MPPED2: variants seen among roughly 807,000 people sequenced by gnomAD.
The protein encoded by MPPED2 is metallophosphoesterase domain containing 2.
MPPED2 carries 5 observed loss-of-function variants against 33.0 expected under a neutral mutation model. The observed-to-expected ratio is 0.15, with a 90% confidence interval of 0.08 to 0.32. The LOEUF (loss-of-function observed/expected upper bound fraction) is 0.32, where lower values mean the gene tolerates loss of function less well. MPPED2 is among the 10% of genes least tolerant of loss of function. MPPED2 has a pLI of 1.00. For missense variants in MPPED2, 275 were observed against 372.1 expected (o/e 0.74, Z 2.15); for synonymous variants, 136 against 141.9 (o/e 0.96, Z 0.29).
At chr11:30,424,108 G>A (rs1948731143) in intron 4 of MPPED2, among the ~76,000 whole-genome samples, 1 of 152,208 alleles carries the variant, frequency 6.6e-6, no homozygotes, top group Admixed American at 6.5e-5. Context: ...CAAGAGCACA[G>A]GGCAAAACGG....
intron 4 of MPPED2, among the ~76,000 whole-genome samples, chr11:30,458,775 G>T (rs1279118582): frequency 6.6e-6 from 1 of 152,150 alleles, no homozygotes; most frequent in Non-Finnish European, 1.5e-5. Context: ...GGGTTAACAA[G>T]CACTGAGGTC....
At chr11:30,400,935 T>C (rs969516697) in intron 6 of MPPED2, among the ~76,000 whole-genome samples, 2 of 151,866 alleles carry the variant, frequency 1.3e-5, no homozygotes, top group Non-Finnish European at 2.9e-5. Flanking sequence ...CCTCAGCTAA[T>C]TTTTTTGATT....
At chr11:30,501,282 A>G (rs543807985) in intron 3 of MPPED2, among the ~76,000 whole-genome samples, 1 of 152,362 alleles carries the variant, frequency 6.6e-6, no homozygotes, top group Admixed American at 6.5e-5. Context: ...CTCAAAGCAA[A>G]GCATCTGAAG....
chr11:30,398,590 T>C (rs759665846), intron 6 of MPPED2, among the ~76,000 whole-genome samples: 5 of 152,190 alleles, frequency 3.3e-5, no homozygotes, highest in African/African-American at 4.8e-5. Context: ...TCTTGGTTCT[T>C]TCCCTCTCTG....
intron 2 of MPPED2, among the ~76,000 whole-genome samples, chr11:30,541,182 C>T (rs1467929156): frequency 1.3e-5 from 2 of 152,190 alleles, no homozygotes; most frequent in Admixed American, 6.5e-5. Context: ...GTTCTTGAAG[C>T]TTGATCATCA....
intron 4 of MPPED2, among the ~76,000 whole-genome samples, chr11:30,467,379 C>T (rs1017944079): frequency 1.3e-5 from 2 of 152,212 alleles, no homozygotes; most frequent in Non-Finnish European, 1.5e-5. Flanking sequence ...GAGTGACAAG[C>T]TCTCAGCTGG....
At chr11:30,501,635 T>C in intron 3 of MPPED2, 5 of 980,408 alleles carry the variant, frequency 5.1e-6, no homozygotes, top group Non-Finnish European at 6.1e-6. Context: ...TCCAGACTGT[T>C]TCTCTCAAGA....
intron 3 of MPPED2, among the ~76,000 whole-genome samples, chr11:30,505,972 G>A (rs901447527): frequency 5.9e-5 from 9 of 152,166 alleles, no homozygotes; most frequent in African/African-American, 2.2e-4. Context: ...TGGGGAATAA[G>A]TGAGAGCAGG....
chr11:30,561,609 A>C (rs1956244313), intron 2 of MPPED2, among the ~76,000 whole-genome samples: 1 of 152,182 alleles, frequency 6.6e-6, no homozygotes, highest in East Asian at 1.9e-4. Context: ...TGATAGCTAG[A>C]TCGTAGCAAC....
At chr11:30,425,743 G>A (rs550143091) in intron 4 of MPPED2, 4 of 152,136 alleles carry the variant, frequency 2.6e-5, no homozygotes, top group South Asian at 2.1e-4. Context: ...GCTCAGCCCT[G>A]GGACCCTGAG....
Position 30,399,811 on chromosome 11 carries a change from A to AAT in MPPED2, c.767-10857_767-10856dup, listed in dbSNP as rs1301049157. Among the ~76,000 whole-genome samples, 3 of 152,302 alleles carry AAT rather than the reference A, an allele frequency of 2.0e-5. No individual in the cohort carries two copies. In the East Asian group the frequency reaches 5.8e-4, roughly 29 times the overall value. The stretch of plus-strand genomic sequence containing the variant: ...GAATAGATAAAACATATTGGGAGAA[A>AAT]ATATATATATTACAAGGATATGTAC... On this transcript the variant is annotated intron_variant, in intron 6 of 6. Transcript: ENST00000448418.
chr11:30,512,974 G>A (rs909781208), intron 3 of MPPED2, among the ~76,000 whole-genome samples: 1 of 151,580 alleles, frequency 6.6e-6, no homozygotes, highest in African/African-American at 2.4e-5. Flanking sequence ...ACTCTACTGT[G>A]CTCTAGTTTG....
rs564874481 is a variant in MPPED2, at chr11:30,567,040, A to G, written c.128+13206T>C. 4.6e-5 allele frequency among the ~76,000 whole-genome samples: 7 copies of G among 152,294 alleles called. No homozygotes were observed. In the South Asian group the frequency reaches 6.2e-4, roughly 14 times the overall value. On this transcript the variant is annotated intron_variant, in intron 2 of 6. Coordinates refer to ENST00000358117, the MANE Select transcript of MPPED2 (RefSeq NM_001584.3). ...AGCCTGTTGTTCTCTGGCACCTCTCAGTATCTCTCTACTTGAAAAAACAAA... is the reference window on the plus strand; with the variant it reads ...AGCCTGTTGTTCTCTGGCACCTCTCGGTATCTCTCTACTTGAAAAAACAAA...
intron 2 of MPPED2, among the ~76,000 whole-genome samples, chr11:30,560,684 C>T (rs1956201182): frequency 6.6e-6 from 1 of 152,166 alleles, no homozygotes; most frequent in Admixed American, 6.5e-5. Flanking sequence ...AGCCTGCATC[C>T]CATAACATTT....
At chr11:30,392,131 A>T (rs1189564346) in intron 6 of MPPED2, among the ~76,000 whole-genome samples, 1 of 152,178 alleles carries the variant, frequency 6.6e-6, no homozygotes, top group Non-Finnish European at 1.5e-5. Flanking sequence ...CTAACTTCCC[A>T]CTTGAGTTCA....
In MPPED2 at chr11:30,536,342, C is replaced by A. The variant is rs1954808510; in HGVS notation, c.129-167G>T. Among the ~76,000 whole-genome samples the A allele has an allele frequency of 2.0e-5, 3 of 152,172 alleles. No individual in the cohort carries two copies. In the South Asian group the frequency reaches 6.2e-4, roughly 31 times the overall value. On this transcript the variant is annotated intron_variant, in intron 2 of 6. Transcript: ENST00000358117. The stretch of plus-strand genomic sequence containing the variant: ...ACACTTCTGGGTGTAACAGAGACAG[C>A]ATCACCCATTTACAAACCCACTGGG...
chr11:30,500,963 G>T (rs138810778), intron 3 of MPPED2, among the ~76,000 whole-genome samples: 119 of 152,254 alleles, frequency 7.8e-4, no homozygotes, highest in African/African-American at 2.7e-3. Flanking sequence ...CTTTAAGCCC[G>T]CATGAAGTGT....
chr11:30,470,877 T>C (rs1350020331), intron 4 of MPPED2, among the ~76,000 whole-genome samples: 1 of 152,034 alleles, frequency 6.6e-6, no homozygotes, highest in Non-Finnish European at 1.5e-5. Context: ...CATAGACCAA[T>C]TTTTAACCTC....
intron 2 of MPPED2, among the ~76,000 whole-genome samples, chr11:30,574,198 T>G (rs928515002): frequency 2.0e-5 from 3 of 152,206 alleles, no homozygotes; most frequent in African/African-American, 7.2e-5. Flanking sequence ...ATATGCCCCA[T>G]TCATGTAAGT....
Sources: gnomAD v4.1 joint callset for allele counts (sites outside exome capture counted in the v4.1 genomes callset) on GRCh38, gnomAD v4.1.1 for gene constraint, MANE v1.5 for transcripts, NCBI Gene and HGNC (gene_info 2026-07-23, HGNC 2026-07-21) for gene names.